The following CC2D2B variants were observed in gnomAD, a reference collection of about 807,000 sequenced individuals.
CC2D2B encodes the protein coiled-coil and C2 domain containing 2B, also known as protein CC2D2B.
In CC2D2B, 128 loss-of-function variants were observed where a neutral mutation model predicts 161.2. The observed-to-expected ratio is 0.79, with a 90% CI of 0.69 to 0.92. The LOEUF (loss-of-function observed/expected upper bound fraction) is 0.92. Ranked by LOEUF, CC2D2B falls within the 40% of genes least tolerant of loss-of-function variation. The pLI is 0.00. For missense variants in CC2D2B, 1,173 were observed against 1,375.1 expected, an observed-to-expected ratio of 0.85 and a Z score of 2.32; for synonymous variants, 391 against 449.8, an observed-to-expected ratio of 0.87 and a Z score of 1.65.
At chr10:96,027,898 C>T (rs2079852459) in intron 34 of CC2D2B, among the ~76,000 whole-genome samples, 2 of 152,182 alleles carry the variant, frequency 1.3e-5, no homozygotes, top group African/African-American at 4.8e-5. Context: ...AATACAGTCT[C>T]TTCAATAAAT....
At chr10:95,950,344 A>T (rs2076356816) in intron 10 of CC2D2B, 1 of 305,988 alleles carries the variant, frequency 3.3e-6, no homozygotes, top group South Asian at 1.6e-4. Flanking sequence ...TGGTCCTATA[A>T]CTCAAGAAGA....
At chr10:95,920,652 A>T (rs2098525217) in intron 2 of CC2D2B, 1 of 152,080 alleles carries the variant, frequency 6.6e-6, no homozygotes, top group Non-Finnish European at 1.5e-5. Flanking sequence ...ATACTGGGTC[A>T]CACCTGAAGC....
intron 28 of CC2D2B, among the ~76,000 whole-genome samples, chr10:96,013,114 G>A (rs1411164757): frequency 6.6e-6 from 1 of 152,184 alleles, no homozygotes; most frequent in Non-Finnish European, 1.5e-5. Flanking sequence ...GAAGTCACCA[G>A]TGTAGAAGGT....
intron 2 of CC2D2B, among the ~76,000 whole-genome samples, chr10:95,913,059 G>A (rs764140574): frequency 4.6e-5 from 7 of 151,580 alleles, no homozygotes; most frequent in Non-Finnish European, 7.4e-5. Flanking sequence ...ATACTAGATC[G>A]TATTCATTGC....
chr10:95,996,092 C>G (rs1201962124), intron 23 of CC2D2B, 51 bp from the exon 24 acceptor site: 8 of 793,936 alleles, frequency 1.0e-5, no homozygotes, highest in Non-Finnish European at 1.5e-5. Flanking sequence ...CTACCTTTAT[C>G]GACTATATAT....
chr10:96,029,247 T>G, intron 34 of CC2D2B, among the ~76,000 whole-genome samples: 1 of 16,572 alleles, frequency 6.0e-5, no homozygotes, highest in South Asian at 2.1e-3. Context: ...GTACCATATA[T>G]ATATATATAT....
intron 19 of CC2D2B, among the ~76,000 whole-genome samples, chr10:95,987,427 A>C (rs1214066505): frequency 6.6e-6 from 1 of 152,204 alleles, no homozygotes; most frequent in Admixed American, 6.5e-5. Flanking sequence ...TCTTATGGAT[A>C]ATTAGAAGAA....
At chr10:95,936,074 C>T (rs906173618) in intron 6 of CC2D2B, among the ~76,000 whole-genome samples, 12 of 152,162 alleles carry the variant, frequency 7.9e-5, no homozygotes, top group African/African-American at 2.9e-4. Context: ...AAAAGCGGGC[C>T]GTGTCTCTGA....
intron 15 of CC2D2B, among the ~76,000 whole-genome samples, chr10:95,970,264 C>A (rs1040307415): frequency 6.6e-6 from 1 of 152,076 alleles, no homozygotes; most frequent in Non-Finnish European, 1.5e-5. Context: ...GAACTCCTGA[C>A]CTCAAGTGAT....
At chr10:95,971,453 T>TAA (rs1032610930) in intron 15 of CC2D2B, among the ~76,000 whole-genome samples, 19 of 150,870 alleles carry the variant, frequency 1.3e-4, no homozygotes, top group African/African-American at 4.1e-4. Context: ...GGAATTGTAG[T>TAA]AAAAAACACA....
At chr10:96,009,008 T>C (rs1456866108) in intron 25 of CC2D2B, among the ~76,000 whole-genome samples, 2 of 152,116 alleles carry the variant, frequency 1.3e-5, no homozygotes, top group Admixed American at 1.3e-4. Flanking sequence ...ATATTTCTTT[T>C]TGATGAATAG....
At chr10:95,998,167 C>CCCTCA (rs1016175161) in intron 24 of CC2D2B, among the ~76,000 whole-genome samples, 1 of 151,612 alleles carries the variant, frequency 6.6e-6, no homozygotes, top group Non-Finnish European at 1.5e-5. Flanking sequence ...GTACAGAGTT[C>CCCTCA]CCACAAATGC....
At chr10:96,005,880 T>C (rs1347302779) in intron 25 of CC2D2B, among the ~76,000 whole-genome samples, 1 of 152,144 alleles carries the variant, frequency 6.6e-6, no homozygotes, top group Non-Finnish European at 1.5e-5. Context: ...TAAATACTTT[T>C]TTTAAAAAAA....
intron 11 of CC2D2B, among the ~76,000 whole-genome samples, chr10:95,959,857 A>T (rs1003083404): frequency 6.6e-6 from 1 of 152,210 alleles, no homozygotes; most frequent in Admixed American, 6.5e-5. Flanking sequence ...TCAGTATTCT[A>T]AAAATATGAT....
chr10:95,923,044 C>T (rs2098530827), intron 3 of CC2D2B, among the ~76,000 whole-genome samples: 1 of 152,090 alleles, frequency 6.6e-6, no homozygotes. Flanking sequence ...CCTCCACCTC[C>T]CGGGTTCAAG....
chr10:96,005,628 A>T (rs1235878091), intron 25 of CC2D2B, among the ~76,000 whole-genome samples: 2 of 152,000 alleles, frequency 1.3e-5, no homozygotes, highest in Non-Finnish European at 2.9e-5. Flanking sequence ...CTGTTTTCTT[A>T]CTTCCCACAG....
intron 17 of CC2D2B, among the ~76,000 whole-genome samples, chr10:95,978,050 C>A (rs2077381910): frequency 6.6e-6 from 1 of 151,912 alleles, no homozygotes; most frequent in African/African-American, 2.4e-5. Flanking sequence ...GAATCATACA[C>A]TTTAAAATGG....
At chr10:96,029,930 C>T (rs779348339) in intron 34 of CC2D2B, among the ~76,000 whole-genome samples, 2 of 151,838 alleles carry the variant, frequency 1.3e-5, no homozygotes, top group Non-Finnish European at 2.9e-5. Context: ...CCTGCTTCAG[C>T]CTTCTGAGTA....
chr10:95,989,581 CCTCCTTATCCTGTTT>C (rs2077868668), intron 20 of CC2D2B, among the ~76,000 whole-genome samples: 1 of 152,140 alleles, frequency 6.6e-6, no homozygotes, highest in Non-Finnish European at 1.5e-5. Context: ...GAACACATAT[CCTCCTTATCCTGTTT>C]CTTCTTTTTT....
Sources: allele counts gnomAD v4.1 joint callset (sites outside exome capture counted in the v4.1 genomes callset), GRCh38; gene constraint gnomAD v4.1.1; transcripts MANE v1.5; gene names NCBI Gene and HGNC (gene_info 2026-07-23, HGNC 2026-07-21).